The following MCC variants were observed in gnomAD, a reference collection of about 807,000 sequenced individuals.
MCC encodes colorectal mutant cancer protein.
MCC carries 90 observed loss-of-function variants against 116.2 expected under a neutral mutation model. The observed-to-expected ratio is 0.77, with a 90% CI of 0.65 to 0.92. The LOEUF (loss-of-function observed/expected upper bound fraction) is 0.92. Ranked by LOEUF, MCC falls within the 40% of genes least tolerant of loss-of-function variation. The pLI, the probability that MCC is intolerant of heterozygous loss-of-function variation, is 0.00. For synonymous variants in MCC, 578 were observed against 510.5 expected, an observed-to-expected ratio of 1.13 and a Z score of -1.78; for missense variants, 1,516 against 1,312.2, an observed-to-expected ratio of 1.16 and a Z score of -2.40.
intron 6 of MCC, among the ~76,000 whole-genome samples, chr5:113,110,559 T>C (rs1757028867): frequency 6.6e-6 from 1 of 152,244 alleles, no homozygotes; most frequent in East Asian, 1.9e-4. Context: ...TCTTCTTATG[T>C]TAACCTTCAG....
chr5:113,421,273 G>A (rs1441752288), intron 1 of MCC, among the ~76,000 whole-genome samples: 1 of 151,968 alleles, frequency 6.6e-6, no homozygotes, highest in African/African-American at 2.4e-5. Context: ...TGATCTGCCC[G>A]CCTGGACTCC....
chr5:113,119,663 A>G (rs892375450), intron 6 of MCC, among the ~76,000 whole-genome samples: 7 of 152,258 alleles, frequency 4.6e-5, no homozygotes, highest in African/African-American at 1.7e-4. Context: ...TTTCATCCCC[A>G]GTACCTAGCA....
chr5:113,469,734 C>A (rs1772026163), intron 1 of MCC, among the ~76,000 whole-genome samples: 1 of 152,064 alleles, frequency 6.6e-6, no homozygotes, highest in East Asian at 1.9e-4. Flanking sequence ...TCCTGGGTAT[C>A]CTTGTTAACT....
intron 3 of MCC, among the ~76,000 whole-genome samples, chr5:113,285,896 T>C (rs1475238085): frequency 6.6e-6 from 1 of 152,172 alleles, no homozygotes; most frequent in Non-Finnish European, 1.5e-5. Flanking sequence ...ATGTGAACGG[T>C]TACAAGATAA....
rs193193617 is a variant in MCC at position 113,080,037 on chromosome 5, C to A, written c.1784+2823G>T. On this transcript the variant is annotated intron_variant, in intron 11 of 18. Transcript: ENST00000408903. ...CAAAAGAAGACATTTATGCAGCCAA[C>A]AGACACATGAAAAAATGCTCAGCAT... is the stretch of plus-strand genomic sequence containing the variant. 8.2e-3 allele frequency among the ~76,000 whole-genome samples: 1,250 copies of A among 152,290 alleles called. 21 individuals carry two copies. The highest frequency in any genetic ancestry group is 0.028 in the African/African-American group (1,175 of 41,564).
intron 3 of MCC, among the ~76,000 whole-genome samples, chr5:113,195,254 C>A (rs1442430836): frequency 6.6e-6 from 1 of 152,194 alleles, no homozygotes. Context: ...GAAGGGGTGA[C>A]CAGTGTTCCT....
rs1342762652 is a variant in MCC, at chr5:113,025,188, A to C, written c.*2114T>G. The C allele has an allele frequency of 6.6e-6, 1 of 151,730 alleles. No homozygotes were observed. Among genetic ancestry groups the C allele is most frequent in the South Asian group, 2.1e-4 (1 of 4,802 alleles). The allele number at this position is 151,730 out of a possible 1,614,324, so 9.4% of individuals were successfully genotyped here. A position where few individuals can be genotyped will look rare whatever the true frequency, so the allele number is the denominator to read the frequency against. On this transcript the variant is annotated 3_prime_UTR_variant, in exon 19 of 19. Transcript: ENST00000408903. Reference sequence around the variant, plus strand: ...CACAAAAAAGAGCCATGCACATCCCACTTTGCTCAGGGGAGGACGTTTCCC... The same window carrying C: ...CACAAAAAAGAGCCATGCACATCCCCCTTTGCTCAGGGGAGGACGTTTCCC...
chr5:113,094,964 T>C (rs1423693353), intron 8 of MCC, among the ~76,000 whole-genome samples: 1 of 152,146 alleles, frequency 6.6e-6, no homozygotes, highest in Non-Finnish European at 1.5e-5. Context: ...GTTCTGGGGA[T>C]TCTCTGCCTT....
At chr5:113,056,566 C>T (rs1752846718) in intron 14 of MCC, among the ~76,000 whole-genome samples, 1 of 152,032 alleles carries the variant, frequency 6.6e-6, no homozygotes, top group South Asian at 2.1e-4. Context: ...AACAATGGGC[C>T]TACTTGAGGG....
At chr5:113,391,114 C>T (rs1769389613) in intron 1 of MCC, among the ~76,000 whole-genome samples, 1 of 151,670 alleles carries the variant, frequency 6.6e-6, no homozygotes. Flanking sequence ...GAGTGAAGTA[C>T]AAAACAATAA....
chr5:113,448,834 C>T (rs1771298586), intron 1 of MCC, among the ~76,000 whole-genome samples: 1 of 152,190 alleles, frequency 6.6e-6, no homozygotes, highest in Non-Finnish European at 1.5e-5. Context: ...TTCAAGACAT[C>T]TCCAGGACAG....
chr5:113,399,285 A>C (rs570998376), intron 1 of MCC, among the ~76,000 whole-genome samples: 2 of 152,182 alleles, frequency 1.3e-5, no homozygotes, highest in Admixed American at 1.3e-4. Flanking sequence ...GGAGATTGAG[A>C]CCATCCTGGC....
At position 113,051,204 on chromosome 5, in the gene MCC, C is replaced by A. The variant is rs372445167; in HGVS notation, c.2449-1905G>T. 2.6e-5 allele frequency among the ~76,000 whole-genome samples: 4 copies of A among 152,094 alleles called. No homozygotes were observed. In the South Asian group the frequency reaches 8.3e-4, roughly 32 times the overall value. ...GCAACCCAGGATCCTCAGGGCCCCA[C>A]GGAAGACAGTTTCCACAGAGGATGA... On this transcript the variant is annotated intron_variant, in intron 15 of 18. Coordinates refer to ENST00000408903, the MANE Select transcript of MCC (RefSeq NM_001085377.2).
chr5:113,220,403 G>GATCTAT (rs1763505472), intron 3 of MCC, among the ~76,000 whole-genome samples: 2 of 151,924 alleles, frequency 1.3e-5, no homozygotes, highest in Non-Finnish European at 2.9e-5. Flanking sequence ...TTTTAATTGA[G>GATCTAT]ATCTATAGAT....
intron 3 of MCC, among the ~76,000 whole-genome samples, chr5:113,220,281 G>A (rs1763500129): frequency 6.6e-6 from 1 of 151,450 alleles, no homozygotes; most frequent in Non-Finnish European, 1.5e-5. Flanking sequence ...GGATGGTCTC[G>A]ATCTCCTGAC....
At chr5:113,443,770 T>C (rs1771121064) in intron 1 of MCC, among the ~76,000 whole-genome samples, 1 of 152,254 alleles carries the variant, frequency 6.6e-6, no homozygotes. Context: ...GTTTTTGTCA[T>C]TGGTTGTGTT....
chr5:113,194,551 G>A (rs1433045880), intron 3 of MCC, among the ~76,000 whole-genome samples: 4 of 152,102 alleles, frequency 2.6e-5, no homozygotes, highest in African/African-American at 9.7e-5. Context: ...CCAGCTACTC[G>A]GAAAGCTGAT....
At chr5:113,447,617 T>G (rs1260417788) in intron 1 of MCC, among the ~76,000 whole-genome samples, 1 of 152,206 alleles carries the variant, frequency 6.6e-6, no homozygotes, top group African/African-American at 2.4e-5. Context: ...TGTTCTCTTA[T>G]AGTTGGCTCA....
At chr5:113,238,885 A>G (rs1158067060) in intron 3 of MCC, among the ~76,000 whole-genome samples, 1 of 152,252 alleles carries the variant, frequency 6.6e-6, no homozygotes, top group Non-Finnish European at 1.5e-5. Context: ...AGCAGTTACA[A>G]GAAGAGGTAC....
Sources: gnomAD v4.1 joint callset for allele counts (sites outside exome capture counted in the v4.1 genomes callset) on GRCh38, gnomAD v4.1.1 for gene constraint, MANE v1.5 for transcripts, NCBI Gene and HGNC (gene_info 2026-07-23, HGNC 2026-07-21) for gene names.